Variants in PPP2R3B observed in about 807,000 individuals in gnomAD.
PPP2R3B encodes the protein serine/threonine-protein phosphatase 2A regulatory subunit B'' subunit beta.
PPP2R3B carries 68 observed loss-of-function variants against 72.9 expected under a neutral mutation model. The ratio of observed to expected loss-of-function variants is 0.93; its 90% confidence interval spans 0.77 to 1.14. PPP2R3B has a LOEUF of 1.14. Ranked by LOEUF, PPP2R3B falls within the 50% of genes most tolerant of loss-of-function variation. The probability of loss-of-function intolerance (pLI) is 0.00; values close to 1 mark genes in which losing one functional copy is unlikely to be tolerated. For synonymous variants in PPP2R3B, 466 were observed against 375.8 expected, an observed-to-expected ratio of 1.24 and a Z score of -2.78; for missense variants, 1,018 against 842.0, an observed-to-expected ratio of 1.21 and a Z score of -2.59.
chrX:371,485 C>T (rs1219051278), intron 1 of PPP2R3B, among the ~76,000 whole-genome samples: 6 of 152,040 alleles, frequency 3.9e-5, no homozygotes, highest in Non-Finnish European at 2.9e-5. Flanking sequence ...AGGCAGCACC[C>T]GCCAGGGGGT....
chrX:367,416 T>G (rs1185900386), intron 1 of PPP2R3B, among the ~76,000 whole-genome samples: 1 of 147,996 alleles, frequency 6.8e-6, no homozygotes, highest in Non-Finnish European at 1.5e-5. Flanking sequence ...TTTGAAAAAT[T>G]TAGTCGACGT....
At chrX:370,999 T>C (rs1244522454) in intron 1 of PPP2R3B, among the ~76,000 whole-genome samples, 1 of 152,064 alleles carries the variant, frequency 6.6e-6, no homozygotes, top group African/African-American at 2.4e-5. Context: ...GTCTGTGTGC[T>C]GAGTCAGTGT....
At chrX:367,723 C>G (rs1431472388) in intron 1 of PPP2R3B, among the ~76,000 whole-genome samples, 1 of 152,174 alleles carries the variant, frequency 6.6e-6, no homozygotes, top group Non-Finnish European at 1.5e-5. Flanking sequence ...CCTCAATGCA[C>G]CGAGTGCTCT....
intron 8 of PPP2R3B, 113 bp downstream of exon 8, chrX:341,758 CAGGGCCTGGGGT>C: frequency 9.3e-7 from 1 of 1,070,740 alleles, no homozygotes; most frequent in Non-Finnish European, 1.5e-6. Flanking sequence ...CCCCCCTCGC[CAGGGCCTGGGGT>C]GACAACCACT....
intron 12 of PPP2R3B, chrX:338,360 G>A (rs770273434): frequency 2.2e-5 from 13 of 599,102 alleles, no homozygotes; most frequent in African/African-American, 1.5e-4. Flanking sequence ...TCGCGCCCAG[G>A]ATCACAGAAC....
chrX:371,055 G>A (rs893705735), intron 1 of PPP2R3B, among the ~76,000 whole-genome samples: 1 of 152,032 alleles, frequency 6.6e-6, no homozygotes, highest in African/African-American at 2.4e-5. Flanking sequence ...GGCCAGGCTA[G>A]GCAGCACAGC....
In PPP2R3B at chrX:363,350, GCAGTGCATCTCTCCGAGCCCACCA is replaced by G. The variant is rs1569403631; in HGVS notation, c.325-1784_325-1761del. On this transcript the variant is annotated intron_variant, in intron 1 of 12. Transcript: ENST00000390665. Reference sequence around the variant, plus strand: ...TGCATCTCCCCGAGCCCACCATCCCGCAGTGCATCTCTCCGAGCCCACCATCCCACAGTGCATCTCCCCGAGCCC... The same window carrying G: ...TGCATCTCCCCGAGCCCACCATCCCGTCCCACAGTGCATCTCCCCGAGCCC... 4.6e-4 allele frequency among the ~76,000 whole-genome samples: 35 copies of G among 75,934 alleles called. 2 individuals carry two copies. Among genetic ancestry groups the G allele is most frequent in the Non-Finnish European group, 6.4e-4 (23 of 35,942 alleles). 49.8% of individuals were successfully genotyped at this position (75,934 alleles called of 152,430 possible).
intron 12 of PPP2R3B, 44 bp downstream of exon 12, chrX:338,560 C>T (rs377306821): frequency 6.1e-5 from 86 of 1,405,132 alleles, no homozygotes; most frequent in Non-Finnish European, 7.3e-5. Flanking sequence ...CTCACCCGTC[C>T]TCCCACTGAC....
At chrX:350,674 G>A (rs1230689482) in intron 2 of PPP2R3B, among the ~76,000 whole-genome samples, 2 of 152,228 alleles carry the variant, frequency 1.3e-5, no homozygotes, top group Admixed American at 1.3e-4. Flanking sequence ...TGACACGCGC[G>A]GCTGAGACAA....
chrX:368,147 C>G (rs1228283522), intron 1 of PPP2R3B, among the ~76,000 whole-genome samples: 11 of 150,628 alleles, frequency 7.3e-5, no homozygotes, highest in African/African-American at 2.5e-4. Context: ...ACCCTGGGCA[C>G]AGACACGGGG....
intron 10 of PPP2R3B, among the ~76,000 whole-genome samples, chrX:340,260 T>C (rs1450083610): frequency 1.5e-5 from 2 of 136,938 alleles, no homozygotes; most frequent in Non-Finnish European, 3.1e-5. Flanking sequence ...ACGTGGCAAC[T>C]GCTCCCTCAG....
chrX:361,500 C>T lies in PPP2R3B; in HGVS notation c.415G>A (p.Val139Ile), dbSNP rs761595828. The T allele has an allele frequency of 2.0e-5, 33 of 1,614,018 alleles. 1 individual carries two copies. The highest frequency in any genetic ancestry group is 8.3e-5 in the Admixed American group (5 of 60,026). The change falls in exon 2 of 13, where the codon GTC (valine) becomes ATC (isoleucine). Residue 139 changes from valine to isoleucine, a missense_variant. Coordinates refer to ENST00000390665, the MANE Select transcript of PPP2R3B (RefSeq NM_013239.5). ...YFPRGRPQDS[V>I]NVDAVISKIE... The stretch of plus-strand genomic sequence containing the variant: ...TTGCTGATGACGGCATCCACGTTGA[C>T]GGAGTCCTGCGGGCGTCCTCTGGGG...
chrX:335,798 C>G (rs966569252), intron 12 of PPP2R3B: 1 of 152,214 alleles, frequency 6.6e-6, no homozygotes, highest in African/African-American at 2.4e-5. Flanking sequence ...CTGCAGACAT[C>G]AGAGTCACGA....
intron 12 of PPP2R3B, chrX:336,304 GAC>G (rs2070887664): frequency 1.3e-5 from 2 of 152,240 alleles, no homozygotes; most frequent in Non-Finnish European, 2.9e-5. Flanking sequence ...TCGCTGTATG[GAC>G]ACACAGAGGA....
In PPP2R3B at chrX:346,263, G is replaced by A. The variant is rs1052621440; in HGVS notation, c.793-3C>T. ...GCGTAGAAGATCCGCTGGATGACCT[G>A]CGGGGGCGCTGTCAGTGCGGTGGGT... On this transcript the variant is annotated splice_polypyrimidine_tract_variant and splice_region_variant and intron_variant, in intron 5 of 12. Transcript: ENST00000390665. 73 of 1,563,470 alleles carry A rather than the reference G, an allele frequency of 4.7e-5. No individual in the cohort carries two copies. Among genetic ancestry groups the A allele is most frequent in the Non-Finnish European group, 6.0e-5 (69 of 1,155,916 alleles).
At chrX:373,325 C>T (rs1473897359) in intron 1 of PPP2R3B, among the ~76,000 whole-genome samples, 1 of 152,222 alleles carries the variant, frequency 6.6e-6, no homozygotes, top group Non-Finnish European at 1.5e-5. Flanking sequence ...CACAGAGCAG[C>T]ACCCGGTTTT....
intron 2 of PPP2R3B, among the ~76,000 whole-genome samples, chrX:354,108 A>AGGG: frequency 8.7e-6 from 1 of 114,436 alleles, no homozygotes; most frequent in Non-Finnish European, 1.7e-5. Flanking sequence ...GGGCTCGCCC[A>AGGG]AACACAGGGG....
At chrX:361,313 G>GT in intron 2 of PPP2R3B, 92 bp downstream of exon 2, 1 of 1,436,134 alleles carries the variant, frequency 7.0e-7, no homozygotes, top group South Asian at 1.2e-5. Context: ...ACTCACGCTC[G>GT]TGTGACACGC....
intron 1 of PPP2R3B, among the ~76,000 whole-genome samples, chrX:364,542 C>G (rs929397661): frequency 9.9e-4 from 133 of 134,136 alleles, no homozygotes; most frequent in Admixed American, 2.1e-3. Context: ...AAACAGAAAA[C>G]AAAAAACAAA....
Sources: gnomAD v4.1 joint callset for allele counts (sites outside exome capture counted in the v4.1 genomes callset) on GRCh38, gnomAD v4.1.1 for gene constraint, MANE v1.5 for transcripts, NCBI Gene and HGNC (gene_info 2026-07-23, HGNC 2026-07-21) for gene names.